Variants in HMGB1 observed in about 807,000 individuals in gnomAD.
HMGB1 encodes the protein high mobility group box 1.
For missense variants in HMGB1, 79 were observed against 253.5 expected (o/e 0.31, Z 4.67); for synonymous variants, 81 against 84.0 (o/e 0.96, Z 0.19).
intron 1 of HMGB1, among the ~76,000 whole-genome samples, chr13:30,602,842 G>A (rs1045844634): frequency 2.0e-5 from 3 of 152,096 alleles, no homozygotes; most frequent in Non-Finnish European, 4.4e-5. Flanking sequence ...TCCTTTTCCT[G>A]TCACCCAGGA....
intron 1 of HMGB1, among the ~76,000 whole-genome samples, chr13:30,581,437 T>TCATTTCCA (rs1870896962): frequency 6.6e-6 from 1 of 152,206 alleles, no homozygotes; most frequent in African/African-American, 2.4e-5. Context: ...TAGAATACGG[T>TCATTTCCA]CATTTCCACT....
At chr13:30,570,194 G>A (rs180984184) in intron 1 of HMGB1, among the ~76,000 whole-genome samples, 4 of 152,296 alleles carry the variant, frequency 2.6e-5, no homozygotes, top group Admixed American at 1.3e-4. Context: ...GCTCATGCCT[G>A]TTACTCCCAG....
intron 1 of HMGB1, among the ~76,000 whole-genome samples, chr13:30,490,849 C>CT (rs1887474276): frequency 6.6e-6 from 1 of 151,922 alleles, no homozygotes. Flanking sequence ...TGAAGACGTG[C>CT]TTTTCTCTGT....
At chr13:30,517,212 A>G (rs535351929) in intron 1 of HMGB1, among the ~76,000 whole-genome samples, 109 of 152,326 alleles carry the variant, frequency 7.2e-4, no homozygotes, top group African/African-American at 2.4e-3. Flanking sequence ...TTCTGATCCA[A>G]TGGTCTGGGG....
chr13:30,519,557 A>G (rs577295358), intron 1 of HMGB1, among the ~76,000 whole-genome samples: 88 of 148,612 alleles, frequency 5.9e-4, no homozygotes, highest in Middle Eastern at 3.5e-3. Context: ...AAAATTAGCC[A>G]GGCGTGGTGG....
intron 1 of HMGB1, among the ~76,000 whole-genome samples, chr13:30,476,504 G>C (rs1887101766): frequency 6.6e-6 from 1 of 152,170 alleles, no homozygotes; most frequent in African/African-American, 2.4e-5. Context: ...TTATGGCCCA[G>C]ACAAAAGACT....
chr13:30,554,145 T>C (rs1197291938), intron 1 of HMGB1: 2 of 1,301,722 alleles, frequency 1.5e-6, no homozygotes, highest in African/African-American at 1.5e-5. Context: ...GTACATCTAC[T>C]ACGATTAGAA....
chr13:30,500,999 T>A (rs1327236458), intron 1 of HMGB1, among the ~76,000 whole-genome samples: 5 of 151,182 alleles, frequency 3.3e-5, no homozygotes, highest in East Asian at 2.0e-4. Context: ...TTTAAAAAAT[T>A]TTTTTGCAGA....
chr13:30,518,682 A>G (rs145515166), intron 1 of HMGB1, among the ~76,000 whole-genome samples: 10 of 152,154 alleles, frequency 6.6e-5, no homozygotes, highest in African/African-American at 2.4e-4. Context: ...AGCAATAGAT[A>G]GCACACAGCT....
chr13:30,554,302 T>G, intron 1 of HMGB1: 1 of 1,106,112 alleles, frequency 9.0e-7, no homozygotes, highest in Non-Finnish European at 1.4e-6. Flanking sequence ...ACCATGGGCC[T>G]GCAGTGATCC....
chr13:30,509,126 G>A (rs917257493), intron 1 of HMGB1, among the ~76,000 whole-genome samples: 1 of 151,318 alleles, frequency 6.6e-6, no homozygotes, highest in Admixed American at 6.6e-5. Flanking sequence ...TTGTAGAGAT[G>A]GGGGTCTCAC....
At chr13:30,603,462 C>T (rs1232094381) in intron 1 of HMGB1, among the ~76,000 whole-genome samples, 1 of 152,182 alleles carries the variant, frequency 6.6e-6, no homozygotes, top group African/African-American at 2.4e-5. Context: ...GGCATCGTTT[C>T]TTCTGGGAGA....
intron 1 of HMGB1, among the ~76,000 whole-genome samples, chr13:30,505,152 T>TA (rs1566008738): frequency 0.015 from 1,209 of 80,518 alleles, 13 homozygotes; most frequent in Middle Eastern, 0.062. Flanking sequence ...ATATATATAT[T>TA]TATATATTTG....
chr13:30,554,479 G>T, intron 1 of HMGB1: 1 of 1,024,688 alleles, frequency 9.8e-7, no homozygotes, highest in South Asian at 1.3e-5. Flanking sequence ...TCTCATACAT[G>T]GCTATAATAG....
At chr13:30,537,652 C>CATATTATATATAT (rs1491255988) in intron 1 of HMGB1, among the ~76,000 whole-genome samples, 4 of 68,026 alleles carry the variant, frequency 5.9e-5, no homozygotes, top group Admixed American at 1.9e-4. Context: ...CATTCTTGTT[C>CATATTATATATAT]ATATATATAT....
At chr13:30,465,951 G>A (rs1593259147), upstream of HMGB1, 2 of 986,050 alleles carry the variant, frequency 2.0e-6, no homozygotes, top group Non-Finnish European at 2.4e-6. Context: ...TCCAGCCAGC[G>A]CGGCTCCTAT....
intron 1 of HMGB1, among the ~76,000 whole-genome samples, chr13:30,596,342 A>G (rs1162468033): frequency 2.0e-5 from 3 of 152,208 alleles, no homozygotes; most frequent in Non-Finnish European, 2.9e-5. Context: ...TGTTGGCCAG[A>G]TAAGTCTGTC....
In HMGB1 at chr13:30,456,760, C is replaced by CGA. The variant is rs1555231082; in HGVS notation, c.*4596_*4597insTC. On this transcript the variant is annotated 3_prime_UTR_variant, in exon 5 of 5. Coordinates refer to ENST00000341423, the MANE Select transcript of HMGB1 (RefSeq NM_002128.7). ...CAGCATAAATAACAGCTTTTGTGGG[C>CGA]GGGGGGGGGGGGTGGTGGGGTGCAA... 1 of 13,544 alleles carries CGA rather than the reference C, an allele frequency of 7.4e-5. No homozygotes were observed. Among genetic ancestry groups the CGA allele is most frequent in the African/African-American group, 3.6e-4 (1 of 2,780 alleles). The allele number at this position is 13,544 out of a possible 1,614,324, so 0.8% of individuals were successfully genotyped here.
chr13:30,464,474 C>A (rs1022727753), intron 1 of HMGB1: 4 of 985,034 alleles, frequency 4.1e-6, no homozygotes, highest in Non-Finnish European at 4.8e-6. Context: ...CGGGGCGAGC[C>A]CCCCGCCCCT....
Sources: gnomAD v4.1 joint callset for allele counts (sites outside exome capture counted in the v4.1 genomes callset) on GRCh38, gnomAD v4.1.1 for gene constraint, MANE v1.5 for transcripts, NCBI Gene and HGNC (gene_info 2026-07-23, HGNC 2026-07-21) for gene names.